The following PBX3 variants were observed in gnomAD, a reference collection of about 807,000 sequenced individuals.
PBX3 encodes the protein PBX homeobox 3.
In PBX3, 14 loss-of-function variants were observed where a neutral mutation model predicts 48.5. The ratio of observed to expected loss-of-function variants is 0.29; its 90% CI spans 0.19 to 0.45. The LOEUF (loss-of-function observed/expected upper bound fraction) is 0.45. Ranked by LOEUF, PBX3 falls within the 20% of genes least tolerant of loss-of-function variation. PBX3 has a pLI of 1.00. For missense variants in PBX3, 386 were observed against 546.7 expected (o/e 0.71, Z 2.93); for synonymous variants, 210 against 200.3 (o/e 1.05, Z -0.41).
intron 5 of PBX3, among the ~76,000 whole-genome samples, chr9:125,959,881 T>G (rs1842390249): frequency 6.6e-6 from 1 of 152,162 alleles, no homozygotes; most frequent in Non-Finnish European, 1.5e-5. Flanking sequence ...CAATTACAGG[T>G]GCCTGAATAC....
intron 1 of PBX3, among the ~76,000 whole-genome samples, chr9:125,748,004 G>T (rs1358154909): frequency 6.6e-6 from 1 of 151,510 alleles, no homozygotes; most frequent in African/African-American, 2.4e-5. Context: ...TTCTCCTCCG[G>T]CGGGGAGTCC....
chr9:125,756,036 A>C (rs1836510171), intron 2 of PBX3, among the ~76,000 whole-genome samples: 1 of 152,074 alleles, frequency 6.6e-6, no homozygotes, highest in African/African-American at 2.4e-5. Flanking sequence ...ATTGAACTTC[A>C]CAAGGATATT....
At chr9:125,907,230 C>T (rs1841096132) in intron 2 of PBX3, among the ~76,000 whole-genome samples, 1 of 151,744 alleles carries the variant, frequency 6.6e-6, no homozygotes, top group Non-Finnish European at 1.5e-5. Context: ...AAATATGTTG[C>T]AAAATAATGT....
intron 2 of PBX3, among the ~76,000 whole-genome samples, chr9:125,882,996 TAACAAA>T (rs1840416593): frequency 7.2e-5 from 11 of 152,202 alleles, no homozygotes; most frequent in African/African-American, 1.7e-4. Flanking sequence ...CACAAACATG[TAACAAA>T]ATGAAAATGT....
intron 2 of PBX3, among the ~76,000 whole-genome samples, chr9:125,833,951 T>A (rs1385849116): frequency 6.6e-6 from 1 of 152,218 alleles, no homozygotes; most frequent in Non-Finnish European, 1.5e-5. Flanking sequence ...CCATTTTGTA[T>A]TTCTACCTGC....
intron 2 of PBX3, among the ~76,000 whole-genome samples, chr9:125,824,551 C>T (rs1588186662): frequency 1.3e-5 from 2 of 152,280 alleles, no homozygotes; most frequent in Middle Eastern, 3.4e-3. Flanking sequence ...CTCTAGTCTC[C>T]AAGGTATATT....
At chr9:125,949,571 T>C in intron 5 of PBX3, 1 of 1,284,628 alleles carries the variant, frequency 7.8e-7, no homozygotes. Context: ...ATGCATGAGA[T>C]TCATTTTTGA....
intron 5 of PBX3, among the ~76,000 whole-genome samples, chr9:125,939,694 T>C (rs1430205577): frequency 1.3e-5 from 2 of 152,106 alleles, no homozygotes; most frequent in Non-Finnish European, 2.9e-5. Flanking sequence ...ACTGGAGAAA[T>C]GGATAAATAT....
chr9:125,872,924 G>T (rs927400610), intron 2 of PBX3, among the ~76,000 whole-genome samples: 1 of 151,374 alleles, frequency 6.6e-6, no homozygotes, highest in Non-Finnish European at 1.5e-5. Context: ...TTTCGGCTGG[G>T]CGCGGTGGCT....
intron 2 of PBX3, among the ~76,000 whole-genome samples, chr9:125,841,786 A>G (rs1018561446): frequency 6.6e-6 from 1 of 152,178 alleles, no homozygotes; most frequent in African/African-American, 2.4e-5. Flanking sequence ...GATTAAGTTG[A>G]TCTCTTAACT....
At chr9:125,886,554 C>G (rs140924431) in intron 2 of PBX3, among the ~76,000 whole-genome samples, 1 of 152,152 alleles carries the variant, frequency 6.6e-6, no homozygotes, top group South Asian at 2.1e-4. Context: ...GGGTAAATTA[C>G]AGTCATTTAC....
intron 2 of PBX3, among the ~76,000 whole-genome samples, chr9:125,805,268 G>A (rs1056743157): frequency 6.6e-6 from 1 of 152,060 alleles, no homozygotes; most frequent in African/African-American, 2.4e-5. Context: ...GGAACAGAGT[G>A]GATGCCTTTG....
intron 2 of PBX3, among the ~76,000 whole-genome samples, chr9:125,897,141 G>GTTTTTTTTTTTTTTTTTTTTTTT (rs371641194): frequency 9.2e-6 from 1 of 108,932 alleles, no homozygotes; most frequent in Admixed American, 1.0e-4. Flanking sequence ...TTCATTTGTG[G>GTTTTTTTTTTTTTTTTTTTTTTT]TTTTTTTTTT....
chr9:125,941,548 T>C (rs73668732), intron 5 of PBX3, among the ~76,000 whole-genome samples: 7,379 of 152,288 alleles, frequency 0.048, 608 homozygotes, highest in African/African-American at 0.17. Context: ...GACTGGGTTC[T>C]GGATAAATTG....
intron 4 of PBX3, 44 bp from the exon 5 acceptor site, chr9:125,935,428 A>T (rs756221861): frequency 1.5e-5 from 24 of 1,598,636 alleles, no homozygotes; most frequent in Middle Eastern, 1.8e-4. Flanking sequence ...TCTTAGGTTA[A>T]TGCTGATTGT....
chr9:125,820,154 ACACTGGAT>A (rs1838607885), intron 2 of PBX3, among the ~76,000 whole-genome samples: 1 of 152,216 alleles, frequency 6.6e-6, no homozygotes, highest in Admixed American at 6.5e-5. Flanking sequence ...ACAATTGACC[ACACTGGAT>A]CTGTAGCCCA....
At chr9:125,821,064 C>A (rs148036278) in intron 2 of PBX3, among the ~76,000 whole-genome samples, 106 of 152,280 alleles carry the variant, frequency 7.0e-4, no homozygotes, top group African/African-American at 2.5e-3. Context: ...GGTTAAAAGT[C>A]ATGAGTTCCT....
intron 2 of PBX3, among the ~76,000 whole-genome samples, chr9:125,881,179 C>T (rs981383625): frequency 2.0e-5 from 3 of 152,224 alleles, no homozygotes; most frequent in African/African-American, 4.8e-5. Context: ...CTGTGACTCT[C>T]ATCTTTGTAT....
chr9:125,803,099 T>C (rs1188616982), intron 2 of PBX3, among the ~76,000 whole-genome samples: 1 of 148,544 alleles, frequency 6.7e-6, no homozygotes, highest in Admixed American at 6.7e-5. Context: ...GTCTTTTTTT[T>C]TTTTTTTTTT....
Sources: allele counts gnomAD v4.1 joint callset (sites outside exome capture counted in the v4.1 genomes callset), GRCh38; gene constraint gnomAD v4.1.1; transcripts MANE v1.5; gene names NCBI Gene and HGNC (gene_info 2026-07-23, HGNC 2026-07-21).